RNGTT: variants seen among roughly 807,000 people sequenced by gnomAD.
The protein encoded by RNGTT is mRNA-capping enzyme.
Under a neutral mutation model 79.3 loss-of-function variants are expected in RNGTT, and 33 were observed. The ratio of observed to expected loss-of-function variants is 0.42; its 90% confidence interval spans 0.32 to 0.56. The LOEUF is 0.56. RNGTT is among the 20% of genes least tolerant of loss of function. The pLI, the probability that RNGTT is intolerant of heterozygous loss-of-function variation, is 0.17. For synonymous variants in RNGTT, 222 were observed against 235.9 expected (o/e 0.94, Z 0.54); for missense variants, 497 against 739.1 (o/e 0.67, Z 3.80).
At chr6:88,699,507 G>T (rs987753699) in intron 13 of RNGTT, among the ~76,000 whole-genome samples, 1 of 151,998 alleles carries the variant, frequency 6.6e-6, no homozygotes, top group Admixed American at 6.6e-5. Context: ...AACACAGTGA[G>T]ACCTCGTCTC....
At chr6:88,724,272 G>C (rs754552171) in intron 13 of RNGTT, among the ~76,000 whole-genome samples, 1 of 152,096 alleles carries the variant, frequency 6.6e-6, no homozygotes, top group Non-Finnish European at 1.5e-5. Flanking sequence ...TTCCAGTCCT[G>C]CAAGTTCTAT....
intron 13 of RNGTT, among the ~76,000 whole-genome samples, chr6:88,716,153 A>G (rs1391034609): frequency 5.3e-5 from 8 of 152,088 alleles, no homozygotes; most frequent in Non-Finnish European, 1.2e-4. Context: ...AAAAGTGGGC[A>G]AAGGATATGA....
chr6:88,839,293 G>A (rs937639288), intron 11 of RNGTT, among the ~76,000 whole-genome samples: 2 of 152,054 alleles, frequency 1.3e-5, no homozygotes, highest in South Asian at 4.1e-4. Context: ...TCACCATGCT[G>A]GTCATGGTGT....
chr6:88,735,780 C>T lies in RNGTT; in HGVS notation c.1439+33994G>A, dbSNP rs563298591. Among the ~76,000 whole-genome samples the T allele has an allele frequency of 7.3e-5, 11 of 151,660 alleles. No individual in the cohort carries two copies. The South Asian group carries it at 8.3e-4, about 11-fold the overall frequency. On this transcript the variant is annotated intron_variant, in intron 13 of 15. Transcript: ENST00000369485. ...TTCTATTTTTGAAAATTCTAGAGAA[C>T]GAGCAATTTAACCTTAAAGCACTCA... is the stretch of plus-strand genomic sequence containing the variant.
intron 13 of RNGTT, among the ~76,000 whole-genome samples, chr6:88,754,355 C>A (rs1022236551): frequency 2.0e-5 from 3 of 152,140 alleles, no homozygotes; most frequent in African/African-American, 7.2e-5. Context: ...AGGTCATGTG[C>A]CTGACCTTCC....
At position 88,929,219 on chromosome 6, in the gene RNGTT, C is replaced by A; in HGVS notation, c.223G>T (p.Asp75Tyr). The change falls in exon 3 of 16, where the codon GAC becomes TAC. Residue 75 changes from aspartate to tyrosine, a missense_variant. Physicochemically the swap from Asp to Tyr is radical, Grantham distance 160. Around this residue, in one of 3 missense-constraint regions of RNGTT, gnomAD observed 440 missense variants for 671.5 expected, o/e 0.66. Coordinates refer to ENST00000369485, the MANE Select transcript of RNGTT (RefSeq NM_003800.5). ...VDLTNTSRFYDRNDIEKEGIK... is the reference protein window; with the variant it reads ...VDLTNTSRFYYRNDIEKEGIK... Reference sequence around the variant, plus strand: ...CCTTCTTTTTCTATGTCATTTCGGTCATAGAACCTTGAAGTATTTGTCAGG... The same window carrying A: ...CCTTCTTTTTCTATGTCATTTCGGTAATAGAACCTTGAAGTATTTGTCAGG... The A allele has an allele frequency of 6.2e-7, 1 of 1,606,534 alleles. No individual in the cohort carries two copies. The highest frequency in any genetic ancestry group is 1.1e-5 in the South Asian group (1 of 90,254).
intron 14 of RNGTT, among the ~76,000 whole-genome samples, chr6:88,623,217 T>C (rs1258743384): frequency 2.0e-5 from 3 of 152,012 alleles, no homozygotes; most frequent in Non-Finnish European, 4.4e-5. Flanking sequence ...AAAGATCTTA[T>C]GATCTTGGAT....
intron 13 of RNGTT, among the ~76,000 whole-genome samples, chr6:88,767,099 T>C (rs1325903414): frequency 6.6e-6 from 1 of 152,110 alleles, no homozygotes. Context: ...TTTTATGTAA[T>C]AGTTACCATG....
chr6:88,758,619 G>A (rs958148088), intron 13 of RNGTT, among the ~76,000 whole-genome samples: 13 of 152,140 alleles, frequency 8.5e-5, no homozygotes, highest in African/African-American at 2.9e-4. Context: ...ATTAGAGCTA[G>A]ATACCCATAG....
intron 8 of RNGTT, among the ~76,000 whole-genome samples, chr6:88,885,017 A>G (rs542573349): frequency 8.5e-5 from 13 of 152,300 alleles, no homozygotes; most frequent in Non-Finnish European, 1.8e-4. Context: ...TTAGATTTGG[A>G]AGTATCAGTA....
At chr6:88,917,601 C>T (rs189593650) in intron 4 of RNGTT, among the ~76,000 whole-genome samples, 2 of 152,192 alleles carry the variant, frequency 1.3e-5, no homozygotes, top group Non-Finnish European at 2.9e-5. Flanking sequence ...ACCACTCCCA[C>T]GGCTGATTAT....
intron 13 of RNGTT, among the ~76,000 whole-genome samples, chr6:88,764,174 G>A (rs781088270): frequency 5.3e-5 from 8 of 152,146 alleles, no homozygotes; most frequent in African/African-American, 9.7e-5. Flanking sequence ...CATGGTAGAC[G>A]CTTCCTGCAG....
At chr6:88,849,627 T>C in intron 10 of RNGTT, 128 bp downstream of exon 10, 1 of 697,852 alleles carries the variant, frequency 1.4e-6, no homozygotes. Context: ...AAAAAAAAGA[T>C]TCCCAGTGAG....
At chr6:88,751,836 G>A (rs1223958809) in intron 13 of RNGTT, among the ~76,000 whole-genome samples, 1 of 152,004 alleles carries the variant, frequency 6.6e-6, no homozygotes, top group African/African-American at 2.4e-5. Context: ...ATAGATAATA[G>A]GTGCCAATAT....
intron 2 of RNGTT, among the ~76,000 whole-genome samples, chr6:88,938,938 A>C (rs1429341118): frequency 6.6e-6 from 1 of 152,158 alleles, no homozygotes; most frequent in African/African-American, 2.4e-5. Context: ...CTTTGAATAT[A>C]TCCTCTACTC....
intron 13 of RNGTT, among the ~76,000 whole-genome samples, chr6:88,748,233 C>T (rs1196135937): frequency 4.0e-5 from 6 of 150,768 alleles, no homozygotes; most frequent in African/African-American, 7.2e-5. Flanking sequence ...ATGCCTCCTA[C>T]TTCCCTCAGA....
At chr6:88,845,917 G>A (rs879400734) in intron 10 of RNGTT, among the ~76,000 whole-genome samples, 1 of 151,632 alleles carries the variant, frequency 6.6e-6, no homozygotes, top group Non-Finnish European at 1.5e-5. Context: ...AATCTAAAAC[G>A]TTAGGCTGGT....
At chr6:88,620,908 G>A (rs529498768) in intron 14 of RNGTT, among the ~76,000 whole-genome samples, 1 of 152,216 alleles carries the variant, frequency 6.6e-6, no homozygotes, top group East Asian at 1.9e-4. Flanking sequence ...ACCACATATT[G>A]TGCAAAAAAA....
At chr6:88,877,314 G>A (rs1782548659) in intron 8 of RNGTT, among the ~76,000 whole-genome samples, 1 of 152,176 alleles carries the variant, frequency 6.6e-6, no homozygotes, top group East Asian at 1.9e-4. Flanking sequence ...TCTCAGATAT[G>A]TTCTTAACTC....
Sources: allele counts gnomAD v4.1 joint callset (sites outside exome capture counted in the v4.1 genomes callset), GRCh38; gene constraint gnomAD v4.1.1; regional missense constraint gnomAD v4.1.1; transcripts MANE v1.5; gene names NCBI Gene and HGNC (gene_info 2026-07-23, HGNC 2026-07-21).